The following STXBP5 variants were observed in gnomAD, a reference collection of about 807,000 sequenced individuals.
The protein encoded by STXBP5 is syntaxin-binding protein 5.
Under a neutral mutation model 152.4 loss-of-function variants are expected in STXBP5, and 50 were observed. That is an observed-to-expected ratio of 0.33 (90% CI 0.26 to 0.42). The LOEUF (loss-of-function observed/expected upper bound fraction) is 0.42, where lower values mean the gene tolerates loss of function less well. Among genes scored for constraint, STXBP5 ranks in the 10% least tolerant of loss-of-function variants. The pLI is 1.00. For synonymous variants in STXBP5, 492 were observed against 494.7 expected (o/e 0.99, Z 0.07); for missense variants, 1,167 against 1,388.6 (o/e 0.84, Z 2.54).
At chr6:147,373,113 G>C (rs896590871) in intron 25 of STXBP5, among the ~76,000 whole-genome samples, 1 of 151,968 alleles carries the variant, frequency 6.6e-6, no homozygotes, top group Non-Finnish European at 1.5e-5. Context: ...GCTCATGCCT[G>C]TACAGCACTT....
At chr6:147,311,720 T>C (rs1320675992) in intron 11 of STXBP5, among the ~76,000 whole-genome samples, 193 bp downstream of exon 11, 1 of 152,182 alleles carries the variant, frequency 6.6e-6, no homozygotes, top group Non-Finnish European at 1.5e-5. Context: ...CATAAAATTT[T>C]CATTTTTAGG....
intron 23 of STXBP5, among the ~76,000 whole-genome samples, chr6:147,359,932 A>G (rs1375065972): frequency 1.3e-5 from 2 of 152,126 alleles, no homozygotes; most frequent in East Asian, 3.9e-4. Context: ...TCTACAATGA[A>G]CTCAAACAAA....
chr6:147,290,728 G>A (rs1201737477), intron 8 of STXBP5, among the ~76,000 whole-genome samples: 4 of 152,150 alleles, frequency 2.6e-5, no homozygotes, highest in African/African-American at 9.7e-5. Context: ...AAAATGTGAT[G>A]TAGATTTATT....
intron 18 of STXBP5, among the ~76,000 whole-genome samples, chr6:147,329,653 T>C: frequency 9.5e-6 from 1 of 105,762 alleles, no homozygotes; most frequent in Non-Finnish European, 1.7e-5. Flanking sequence ...TGAGACGGAG[T>C]CTCGCTCTTT....
At chr6:147,287,336 G>A (rs1468710552) in intron 8 of STXBP5, among the ~76,000 whole-genome samples, 1 of 148,758 alleles carries the variant, frequency 6.7e-6, no homozygotes, top group Non-Finnish European at 1.5e-5. Context: ...CCAAGTAGCT[G>A]GGACTACAGG....
At chr6:147,349,659 G>A (rs1784502531) in intron 21 of STXBP5, among the ~76,000 whole-genome samples, 1 of 152,144 alleles carries the variant, frequency 6.6e-6, no homozygotes, top group Admixed American at 6.5e-5. Flanking sequence ...TTGACACCTT[G>A]TGCCTACCTT....
rs888833206 is a variant in STXBP5, at chr6:147,334,304, A to G, written c.2146+82A>G. 23 of 1,282,582 alleles carry G rather than the reference A, an allele frequency of 1.8e-5. 2 individuals carry two copies. The South Asian group carries it at 3.0e-4, about 17-fold the overall frequency. 79.5% of individuals were successfully genotyped at this position (1,282,582 alleles called of 1,614,324 possible). A position where few individuals can be genotyped will look rare whatever the true frequency, so the allele number is the denominator to read the frequency against. ...CATACTAGTGTACATTTTGATAGAT[A>G]TGCATTTAAAATACATCTACGAAAA... is the stretch of plus-strand genomic sequence containing the variant. On this transcript the variant is annotated intron_variant, in intron 19 of 27. Transcript: ENST00000321680.
At chr6:147,355,385 G>A (rs764284120) in intron 22 of STXBP5, among the ~76,000 whole-genome samples, 2 of 152,102 alleles carry the variant, frequency 1.3e-5, no homozygotes, top group Non-Finnish European at 2.9e-5. Flanking sequence ...ACAGTAGCAT[G>A]AAAACAGTGA....
chr6:147,341,330 T>C (rs1784083090), intron 21 of STXBP5, among the ~76,000 whole-genome samples: 1 of 152,206 alleles, frequency 6.6e-6, no homozygotes, highest in Non-Finnish European at 1.5e-5. Context: ...AGGACCTCCC[T>C]GTCAAGACTG....
intron 23 of STXBP5, among the ~76,000 whole-genome samples, chr6:147,360,630 A>G (rs1293509544): frequency 2.0e-5 from 3 of 152,150 alleles, no homozygotes; most frequent in Non-Finnish European, 4.4e-5. Context: ...TAAACATTCT[A>G]CACATGGTTA....
At chr6:147,360,284 A>C (rs1185026027) in intron 23 of STXBP5, among the ~76,000 whole-genome samples, 1 of 152,166 alleles carries the variant, frequency 6.6e-6, no homozygotes, top group African/African-American at 2.4e-5. Flanking sequence ...TGACCCAGCC[A>C]TCCCATTACT....
intron 8 of STXBP5, among the ~76,000 whole-genome samples, chr6:147,287,616 A>G (rs1781049052): frequency 6.6e-6 from 1 of 152,154 alleles, no homozygotes; most frequent in East Asian, 1.9e-4. Flanking sequence ...CATTTCTTTT[A>G]TGTTAATGGC....
rs899693639 is a variant in STXBP5, at chr6:147,311,581, G to A, written c.1145+54G>A. The A allele has an allele frequency of 8.8e-6, 12 of 1,357,038 alleles. No individual in the cohort carries two copies. The African/African-American group carries it at 1.8e-4, about 20-fold the overall frequency. The allele number at this position is 1,357,038 out of a possible 1,614,324, so 84.1% of individuals were successfully genotyped here. On this transcript the variant is annotated intron_variant, in intron 11 of 27. Coordinates refer to ENST00000321680, the MANE Select transcript of STXBP5 (RefSeq NM_001127715.4). The stretch of plus-strand genomic sequence containing the variant: ...TATCAGTATGTGGTTGAAAAAAGAT[G>A]CCTTTTATCATAGCATTAGCTATTT...
rs1423375778 is a variant in STXBP5 at position 147,325,017 on chromosome 6, T to C, written c.1861T>C (p.Leu621=). ...PGYQTELVIQ[L]VWVGGEPPQQ... Reference sequence around the variant, plus strand: ...TTATCAAACAGAACTAGTTATTCAGTTGGTTTGGGTGGGTGGAGAACCACC... The same window carrying C: ...TTATCAAACAGAACTAGTTATTCAGCTGGTTTGGGTGGGTGGAGAACCACC... Residue 621 remains leucine (L), a synonymous_variant, in exon 17 of 28, where the codon TTG becomes CTG. Transcript: ENST00000321680. 5 of 1,597,630 alleles carry C rather than the reference T, an allele frequency of 3.1e-6. No homozygotes were observed. Among genetic ancestry groups the C allele is most frequent in the Non-Finnish European group, 4.3e-6 (5 of 1,169,840 alleles).
intron 8 of STXBP5, among the ~76,000 whole-genome samples, chr6:147,279,402 G>T (rs2128342390): frequency 6.6e-6 from 1 of 152,220 alleles, no homozygotes; most frequent in African/African-American, 2.4e-5. Flanking sequence ...GCTATTGCTA[G>T]TATTTCATTG....
At chr6:147,226,172 A>T (rs2115116748) in intron 2 of STXBP5, among the ~76,000 whole-genome samples, 1 of 152,120 alleles carries the variant, frequency 6.6e-6, no homozygotes, top group Non-Finnish European at 1.5e-5. Flanking sequence ...GGGTAGTGGC[A>T]AGTGCCTGTA....
chr6:147,244,987 CTTTTTTTT>C (rs57889304), intron 4 of STXBP5, among the ~76,000 whole-genome samples: 11 of 86,204 alleles, frequency 1.3e-4, no homozygotes, highest in African/African-American at 5.9e-4. Context: ...TGCTGAGCTG[CTTTTTTTT>C]TTTTTTTTTT....
At chr6:147,363,930 T>G (rs756102994) in intron 24 of STXBP5, 71 bp from the exon 25 acceptor site, 53 of 1,507,160 alleles carry the variant, frequency 3.5e-5, no homozygotes, top group Non-Finnish European at 4.4e-5. Context: ...CTCTGCCATT[T>G]TTAACAATGA....
At chr6:147,336,937 C>A (rs1219462460) in intron 19 of STXBP5, among the ~76,000 whole-genome samples, 1 of 151,986 alleles carries the variant, frequency 6.6e-6, no homozygotes, top group African/African-American at 2.4e-5. Context: ...TCAAAGCTAT[C>A]TTCAGAAATC....
Sources: allele counts gnomAD v4.1 joint callset (sites outside exome capture counted in the v4.1 genomes callset), GRCh38; gene constraint gnomAD v4.1.1; transcripts MANE v1.5; gene names NCBI Gene and HGNC (gene_info 2026-07-23, HGNC 2026-07-21).